Variants in PARD3B observed in about 807,000 individuals in gnomAD.
PARD3B encodes par-3 family cell polarity regulator beta.
A neutral mutation model predicts 130.2 loss-of-function variants in PARD3B; 103 were observed. The ratio of observed to expected loss-of-function variants is 0.79; its 90% CI spans 0.67 to 0.93. The LOEUF is 0.93. Ranked by LOEUF, PARD3B falls within the 40% of genes least tolerant of loss-of-function variation. The pLI, the probability that PARD3B is intolerant of heterozygous loss-of-function variation, is 0.00. For synonymous variants in PARD3B, 583 were observed against 553.2 expected (o/e 1.05, Z -0.76); for missense variants, 1,609 against 1,499.2 (o/e 1.07, Z -1.21).
intron 2 of PARD3B, among the ~76,000 whole-genome samples, chr2:204,808,719 T>C (rs1329512015): frequency 6.6e-6 from 1 of 152,192 alleles, no homozygotes; most frequent in Non-Finnish European, 1.5e-5. Context: ...ACATTTTCTG[T>C]ATCCAGTCTG....
chr2:204,909,742 CACTT>C (rs1389372694), intron 2 of PARD3B, among the ~76,000 whole-genome samples: 2 of 152,098 alleles, frequency 1.3e-5, no homozygotes, highest in Middle Eastern at 3.2e-3. Context: ...AAGGAAGTCT[CACTT>C]AGTTTGTATA....
At chr2:205,157,382 A>C (rs2034240842) in intron 10 of PARD3B, among the ~76,000 whole-genome samples, 2 of 152,214 alleles carry the variant, frequency 1.3e-5, no homozygotes, top group African/African-American at 4.8e-5. Context: ...TAAGCCATAA[A>C]GTTTCATTTC....
chr2:204,692,149 C>A (rs747751553), intron 2 of PARD3B, among the ~76,000 whole-genome samples: 6 of 152,068 alleles, frequency 3.9e-5, no homozygotes, highest in Admixed American at 3.9e-4. Flanking sequence ...ACAGGAGCTA[C>A]TTCCTGAACA....
intron 16 of PARD3B, among the ~76,000 whole-genome samples, chr2:205,255,241 T>G (rs1306440913): frequency 6.6e-6 from 1 of 152,182 alleles, no homozygotes; most frequent in East Asian, 1.9e-4. Context: ...CTAGGTTCTA[T>G]TCTTTCACAC....
chr2:205,100,455 G>GT lies in PARD3B; in HGVS notation c.505-3961dup, dbSNP rs1232748864. Among the ~76,000 whole-genome samples the GT allele has an allele frequency of 7.8e-3, 1,144 of 146,698 alleles. 15 individuals are homozygous for GT. The highest frequency in any genetic ancestry group is 0.016 in the Admixed American group (232 of 14,658). On this transcript the variant is annotated intron_variant, in intron 4 of 22. Coordinates refer to ENST00000406610, the MANE Select transcript of PARD3B (RefSeq NM_001302769.2). ...TGCAATCCCTAGCAAAAACCCAACT[G>GT]TTTTTTTTTTGCAGATATTAACAAA...
At chr2:205,088,636 C>A (rs1701888962) in intron 4 of PARD3B, among the ~76,000 whole-genome samples, 1 of 152,154 alleles carries the variant, frequency 6.6e-6, no homozygotes, top group East Asian at 1.9e-4. Flanking sequence ...AAATTCATGT[C>A]ACATTAATGA....
intron 1 of PARD3B, among the ~76,000 whole-genome samples, chr2:204,636,851 A>G (rs1264002749): frequency 6.6e-6 from 1 of 152,152 alleles, no homozygotes; most frequent in African/African-American, 2.4e-5. Context: ...CAAACTTTGC[A>G]GTTGACAGTG....
At chr2:205,141,365 T>C (rs571673914) in intron 10 of PARD3B, among the ~76,000 whole-genome samples, 1 of 152,338 alleles carries the variant, frequency 6.6e-6, no homozygotes, top group South Asian at 2.1e-4. Context: ...ATGAATTTGC[T>C]CCCTGAGTGA....
intron 3 of PARD3B, among the ~76,000 whole-genome samples, chr2:205,010,530 G>A (rs1222505635): frequency 6.6e-6 from 1 of 152,186 alleles, no homozygotes; most frequent in Non-Finnish European, 1.5e-5. Context: ...TTACATGAGA[G>A]CAAACACTTT....
chr2:204,804,425 G>A (rs370432228), intron 2 of PARD3B, among the ~76,000 whole-genome samples: 5 of 152,162 alleles, frequency 3.3e-5, no homozygotes, highest in African/African-American at 1.2e-4. Context: ...ATGATAAAGG[G>A]ATCAATTCAG....
intron 15 of PARD3B, among the ~76,000 whole-genome samples, chr2:205,205,433 T>C (rs547504592): frequency 1.3e-5 from 2 of 152,296 alleles, no homozygotes; most frequent in South Asian, 4.1e-4. Context: ...TCAATACCCT[T>C]TATTTTTTTC....
intron 2 of PARD3B, among the ~76,000 whole-genome samples, chr2:204,924,367 G>A (rs1575319934): frequency 6.6e-6 from 1 of 152,014 alleles, no homozygotes. Context: ...GTAGCTGCTT[G>A]TAGCTTAATT....
chr2:204,566,017 G>A (rs2031650611), intron 1 of PARD3B, among the ~76,000 whole-genome samples: 1 of 152,166 alleles, frequency 6.6e-6, no homozygotes. Context: ...ACCAATGAGT[G>A]GCAGTGAATA....
intron 21 of PARD3B, among the ~76,000 whole-genome samples, chr2:205,527,810 C>A (rs1179525320): frequency 6.6e-6 from 1 of 152,142 alleles, no homozygotes; most frequent in Non-Finnish European, 1.5e-5. Context: ...GGAGGAGGAT[C>A]AAGACATACC....
chr2:204,809,964 A>G (rs2042908227), intron 2 of PARD3B, among the ~76,000 whole-genome samples: 1 of 152,064 alleles, frequency 6.6e-6, no homozygotes, highest in Admixed American at 6.6e-5. Flanking sequence ...CTCCCTGGTT[A>G]GCTGTATTTC....
chr2:204,887,984 A>G lies in PARD3B; in HGVS notation c.223-77168A>G, dbSNP rs562784753. 1.3e-5 allele frequency among the ~76,000 whole-genome samples: 2 copies of G among 152,232 alleles called. No individual in the cohort carries two copies. The highest frequency in any genetic ancestry group is 2.1e-4 in the South Asian group (1 of 4,826). On this transcript the variant is annotated intron_variant, in intron 2 of 22. Coordinates refer to ENST00000406610, the MANE Select transcript of PARD3B (RefSeq NM_001302769.2). This position sits in a 1 kb window ranked among gnomAD's most constrained non-coding sequence, Gnocchi z 4.2. ...GAACTGTTAAGACCCCAGCATTCCA[A>G]CTGGGAGGGATCATTGGTGAAGTGT...
At chr2:205,277,019 A>G (rs1457881995) in intron 16 of PARD3B, among the ~76,000 whole-genome samples, 3 of 152,240 alleles carry the variant, frequency 2.0e-5, no homozygotes, top group Non-Finnish European at 4.4e-5. Context: ...AGTGATCTGC[A>G]TATTTGTAAC....
At chr2:204,981,851 G>A (rs1415055865) in intron 3 of PARD3B, among the ~76,000 whole-genome samples, 2 of 152,108 alleles carry the variant, frequency 1.3e-5, no homozygotes, top group Non-Finnish European at 1.5e-5. Flanking sequence ...GAAGGGAGTT[G>A]GGGAGTGAGT....
intron 22 of PARD3B, among the ~76,000 whole-genome samples, chr2:205,598,384 A>G (rs565224057): frequency 4.4e-4 from 67 of 152,206 alleles, no homozygotes; most frequent in Non-Finnish European, 4.8e-4. Context: ...AGCATTCCAT[A>G]ATGATAAAAG....
Sources: allele counts gnomAD v4.1 joint callset (sites outside exome capture counted in the v4.1 genomes callset), GRCh38; gene constraint gnomAD v4.1.1; non-coding constraint Gnocchi (gnomAD v3.1); transcripts MANE v1.5; gene names NCBI Gene and HGNC (gene_info 2026-07-23, HGNC 2026-07-21).